Variants in KCNQ3 observed in about 807,000 individuals in gnomAD.
KCNQ3 encodes the protein potassium voltage-gated channel subfamily Q member 3, also known as potassium voltage-gated channel subfamily KQT member 3.
KCNQ3 carries 30 observed loss-of-function variants against 92.5 expected under a neutral mutation model. That is an observed-to-expected ratio of 0.32 (90% CI 0.24 to 0.44). The LOEUF is 0.44. Ranked by LOEUF, KCNQ3 falls within the 20% of genes least tolerant of loss-of-function variation. The pLI is 1.00. For synonymous variants in KCNQ3, 450 were observed against 468.8 expected (o/e 0.96, Z 0.52); for missense variants, 913 against 1,140.3 (o/e 0.80, Z 2.87).
At chr8:132,479,467 C>A (rs530160801) in intron 1 of KCNQ3, among the ~76,000 whole-genome samples, 1 of 152,104 alleles carries the variant, frequency 6.6e-6, no homozygotes, top group African/African-American at 2.4e-5. Context: ...CTCTGTGAAG[C>A]CCCAGCCCCT....
intron 1 of KCNQ3, among the ~76,000 whole-genome samples, chr8:132,279,972 T>G (rs1454765552): frequency 6.6e-6 from 1 of 152,172 alleles, no homozygotes; most frequent in Non-Finnish European, 1.5e-5. Context: ...ATATGAGTAC[T>G]GATGGAGAGT....
intron 1 of KCNQ3, among the ~76,000 whole-genome samples, chr8:132,444,068 G>A (rs1222100737): frequency 1.3e-5 from 2 of 152,052 alleles, no homozygotes. Flanking sequence ...GGCAAGTTAT[G>A]GAGCTGGGAG....
rs562208185 is a variant in KCNQ3 at position 132,463,157 on chromosome 8, C to A, written c.386+16990G>T. On this transcript the variant is annotated intron_variant, in intron 1 of 14. Transcript: ENST00000388996. ...GACTAATTTAGTGGGATTAAAAAGACCAGACTGTGTGGCTTCAGTTGGCAA... is the reference window on the plus strand; with the variant it reads ...GACTAATTTAGTGGGATTAAAAAGAACAGACTGTGTGGCTTCAGTTGGCAA... Among the ~76,000 whole-genome samples the A allele has an allele frequency of 3.7e-4, 57 of 152,272 alleles. No individual in the cohort carries two copies. In the South Asian group the frequency reaches 0.011, roughly 30 times the overall value.
intron 1 of KCNQ3, among the ~76,000 whole-genome samples, chr8:132,198,419 A>C (rs1827367421): frequency 6.6e-6 from 1 of 152,242 alleles, no homozygotes; most frequent in African/African-American, 2.4e-5. Context: ...TAGATAACTA[A>C]TACTAGTTTT....
intron 1 of KCNQ3, among the ~76,000 whole-genome samples, chr8:132,472,378 C>T (rs1462265250): frequency 6.6e-6 from 1 of 152,016 alleles, no homozygotes; most frequent in African/African-American, 2.4e-5. Context: ...TCAATGGATG[C>T]ACAGATAAAG....
chr8:132,480,763 CAGGACCCCG>C lies in KCNQ3; in HGVS notation c.-240_-232del, dbSNP rs2130875889. The C allele has an allele frequency of 4.4e-6, 1 of 229,236 alleles. No homozygotes were observed. Among genetic ancestry groups the C allele is most frequent in the East Asian group, 1.8e-4 (1 of 5,700 alleles). 14.2% of individuals were successfully genotyped at this position (229,236 alleles called of 1,614,324 possible). A position where few individuals can be genotyped will look rare whatever the true frequency, so the allele number is the denominator to read the frequency against. ...GGTCACATCCCGCGCGGGTCAGCCGCAGGACCCCGAGGGTCGCGGGCCGGGGGCTGCGGA... is the reference window on the plus strand; with the variant it reads ...GGTCACATCCCGCGCGGGTCAGCCGCAGGGTCGCGGGCCGGGGGCTGCGGA... On this transcript the variant is annotated 5_prime_UTR_variant, in exon 1 of 15. Coordinates refer to ENST00000388996, the MANE Select transcript of KCNQ3 (RefSeq NM_004519.4).
Position 132,297,758 on chromosome 8 carries a change from A to G in KCNQ3, c.387-111577T>C, listed in dbSNP as rs953026552. On this transcript the variant is annotated intron_variant, in intron 1 of 14. Transcript: ENST00000388996. The stretch of plus-strand genomic sequence containing the variant: ...GCAGGGCTCTGCTGGAGAAGGCTAC[A>G]TGGCCAACTCTCCTTTCGCAGCCAC... 5.9e-5 allele frequency among the ~76,000 whole-genome samples: 3 copies of G among 50,656 alleles called. No homozygotes were observed. The East Asian group carries it at 5.4e-3, about 92-fold the overall frequency. The allele number at this position is 50,656 out of a possible 152,430, so 33.2% of individuals were successfully genotyped here. A position where few individuals can be genotyped will look rare whatever the true frequency, so the allele number is the denominator to read the frequency against.
At chr8:132,455,936 G>A (rs1821928582) in intron 1 of KCNQ3, among the ~76,000 whole-genome samples, 1 of 151,836 alleles carries the variant, frequency 6.6e-6, no homozygotes, top group East Asian at 1.9e-4. Context: ...TAGTAGAGAC[G>A]GGGTTTCACC....
At chr8:132,375,552 T>A (rs1819584745) in intron 1 of KCNQ3, among the ~76,000 whole-genome samples, 1 of 152,200 alleles carries the variant, frequency 6.6e-6, no homozygotes, top group African/African-American at 2.4e-5. Context: ...TCAGACTTCC[T>A]GAACTGTCTC....
At chr8:132,276,945 G>A (rs988886093) in intron 1 of KCNQ3, among the ~76,000 whole-genome samples, 3 of 152,108 alleles carry the variant, frequency 2.0e-5, no homozygotes, top group African/African-American at 7.2e-5. Context: ...ATTAATAAAT[G>A]CTCCTTCAAC....
intron 1 of KCNQ3, among the ~76,000 whole-genome samples, chr8:132,255,365 C>T (rs1563827718): frequency 6.6e-6 from 1 of 152,160 alleles, no homozygotes; most frequent in South Asian, 2.1e-4. Context: ...TGAAAACAAG[C>T]AGTGGCAATT....
chr8:132,156,967 A>G lies in KCNQ3; in HGVS notation c.1262+6501T>C, dbSNP rs188663421. Among the ~76,000 whole-genome samples the G allele has an allele frequency of 1.4e-4, 22 of 152,324 alleles. No individual in the cohort carries two copies. The East Asian group carries it at 4.2e-3, about 29-fold the overall frequency. On this transcript the variant is annotated intron_variant, in intron 9 of 14. Coordinates refer to ENST00000388996, the MANE Select transcript of KCNQ3 (RefSeq NM_004519.4). ...GAATGGGTCGAAAAGCCCAAGGATC[A>G]GCATGAACTACCTGAAGCTAGGAAG...
At chr8:132,445,658 C>T (rs1345976301) in intron 1 of KCNQ3, among the ~76,000 whole-genome samples, 1 of 131,164 alleles carries the variant, frequency 7.6e-6, no homozygotes, top group Non-Finnish European at 1.6e-5. Flanking sequence ...CTGTGATTAG[C>T]CCCACCCACC....
At position 132,357,359 on chromosome 8, in the gene KCNQ3, C is replaced by G. The variant is rs147503931; in HGVS notation, c.386+122788G>C. 9.1e-3 allele frequency among the ~76,000 whole-genome samples: 1,383 copies of G among 152,292 alleles called. 5 individuals carry two copies. Among genetic ancestry groups the G allele is most frequent in the Admixed American group, 0.015 (234 of 15,302 alleles). ...CAATGTGAGGGTGTGCTGTGGAGAACAGGGGCTCGATTCTCCTGAGACCAC... is the reference window on the plus strand; with the variant it reads ...CAATGTGAGGGTGTGCTGTGGAGAAGAGGGGCTCGATTCTCCTGAGACCAC... On this transcript the variant is annotated intron_variant, in intron 1 of 14. Coordinates refer to ENST00000388996, the MANE Select transcript of KCNQ3 (RefSeq NM_004519.4).
chr8:132,217,427 T>C (rs1407891300), intron 1 of KCNQ3, among the ~76,000 whole-genome samples: 1 of 151,472 alleles, frequency 6.6e-6, no homozygotes, highest in Non-Finnish European at 1.5e-5. Context: ...ACACTGAGAG[T>C]CGGCCGGACA....
intron 1 of KCNQ3, among the ~76,000 whole-genome samples, chr8:132,202,345 A>T (rs1827489452): frequency 6.6e-6 from 1 of 152,072 alleles, no homozygotes. Context: ...ATCTTTATCA[A>T]ACTGTGGCTT....
intron 1 of KCNQ3, among the ~76,000 whole-genome samples, chr8:132,342,661 C>T (rs1177926191): frequency 6.6e-6 from 1 of 152,204 alleles, no homozygotes; most frequent in African/African-American, 2.4e-5. Flanking sequence ...TTCCTGCAAG[C>T]CTCACTACTT....
At chr8:132,357,440 C>A (rs906659247) in intron 1 of KCNQ3, among the ~76,000 whole-genome samples, 1 of 152,208 alleles carries the variant, frequency 6.6e-6, no homozygotes, top group Non-Finnish European at 1.5e-5. Context: ...AAGACTGGCA[C>A]ATTTATCCAT....
chr8:132,354,947 A>G (rs1818977652), intron 1 of KCNQ3, among the ~76,000 whole-genome samples: 1 of 152,126 alleles, frequency 6.6e-6, no homozygotes, highest in Non-Finnish European at 1.5e-5. Flanking sequence ...GCCTTCCTAG[A>G]TCATCACCCT....
Sources: allele counts gnomAD v4.1 joint callset (sites outside exome capture counted in the v4.1 genomes callset), GRCh38; gene constraint gnomAD v4.1.1; transcripts MANE v1.5; gene names NCBI Gene and HGNC (gene_info 2026-07-23, HGNC 2026-07-21).